ZNF689: variants seen among roughly 807,000 people sequenced by gnomAD.
ZNF689 encodes the protein zinc finger protein 689, also known as short ORF-encoded histone-binding protein.
In ZNF689, 14 loss-of-function variants were observed where a neutral mutation model predicts 37.2. That is an observed-to-expected ratio of 0.38 (90% confidence interval 0.25 to 0.59). ZNF689 has a LOEUF of 0.59. ZNF689 is among the 20% of genes least tolerant of loss of function. The pLI, the probability that ZNF689 is intolerant of heterozygous loss-of-function variation, is 0.68. For synonymous variants in ZNF689, 277 were observed against 283.3 expected (o/e 0.98, Z 0.22); for missense variants, 573 against 700.2 (o/e 0.82, Z 2.05).
At position 30,605,337 on chromosome 16, in the gene ZNF689, G is replaced by T; in HGVS notation, c.430C>A (p.Gln144Lys). The change falls in exon 3 of 3, where the codon CAG becomes AAG. Residue 144 changes from glutamine (Q) to lysine (K), a missense_variant. Physicochemically the swap from Gln to Lys is moderately conservative, Grantham distance 53 (BLOSUM62 1). This residue lies in a region of ZNF689 where 252 missense variants were observed against 313.3 expected (regional missense o/e 0.80). Transcript: ENST00000287461. This position sits in a 1 kb window ranked among gnomAD's most constrained non-coding sequence, Gnocchi z 5.1. ...RPSKPRLIPR[Q>K]TSGGPICPDC... is the part of the protein sequence containing the mutation. ...GGGCAGATGGGGCCCCCGGACGTCT[G>T]CCTAGGAATCAGTCGGGGTTTGCTG... is the stretch of plus-strand genomic sequence containing the variant. 2 of 1,613,534 alleles carry T rather than the reference G, an allele frequency of 1.2e-6. No individual in the cohort carries two copies. Among genetic ancestry groups the T allele is most frequent in the Non-Finnish European group, 1.7e-6 (2 of 1,179,694 alleles).
rs971570961 is a variant in ZNF689 at position 30,609,547 on chromosome 16, C to A, written c.297G>T (p.Pro99=). The A allele has an allele frequency of 1.9e-6, 3 of 1,613,994 alleles. No individual in the cohort carries two copies. The African/African-American group carries it at 4.0e-5, about 22-fold the overall frequency. ...CACTTCTCTGGACTGTTAGCCCTCTCGGGTACTCCTGCGGATCTAGAGCAG... is the reference window on the plus strand; with the variant it reads ...CACTTCTCTGGACTGTTAGCCCTCTAGGGTACTCCTGCGGATCTAGAGCAG... ...EPAALDPQEY[P]RGLTVQRKSR... The change falls in exon 2 of 3, where the codon CCG becomes CCT. Residue 99 remains proline, a synonymous_variant. Transcript: ENST00000287461.
At chr16:30,607,875 T>G (rs1377705393) in intron 2 of ZNF689, among the ~76,000 whole-genome samples, 1 of 152,178 alleles carries the variant, frequency 6.6e-6, no homozygotes, top group East Asian at 1.9e-4. Context: ...GACAGGAGAA[T>G]TGCTTGAAAC....
chr16:30,605,494 T>A lies in ZNF689; in HGVS notation c.320-47A>T. 1.3e-6 allele frequency: 2 copies of A among 1,568,514 alleles called. No homozygotes were observed. The highest frequency in any genetic ancestry group is 1.7e-6 in the Non-Finnish European group (2 of 1,154,972). On this transcript the variant is annotated intron_variant, in intron 2 of 2. Coordinates refer to ENST00000287461, the MANE Select transcript of ZNF689 (RefSeq NM_138447.3). This position sits in a 1 kb window ranked among gnomAD's most constrained non-coding sequence, Gnocchi z 5.1. ...AATTTAACAAATACTGGGCTCCTGC[T>A]CTTGTCAATTACATTATAGGTTACA...
intron 1 of ZNF689, 89 bp downstream of exon 1, chr16:30,609,748 G>A (rs2052076090): frequency 5.1e-6 from 8 of 1,573,344 alleles, no homozygotes; most frequent in Non-Finnish European, 6.9e-6. Context: ...CAACCTGGTC[G>A]CCTGCCAGGA....
chr16:30,607,550 T>C (rs1051825804), intron 2 of ZNF689, among the ~76,000 whole-genome samples: 3 of 150,996 alleles, frequency 2.0e-5, no homozygotes, highest in African/African-American at 7.3e-5. Flanking sequence ...AAGATTGCAC[T>C]ACTACACTCC....
At position 30,609,923 on chromosome 16, in the gene ZNF689, G is replaced by A. The variant is rs751066472; in HGVS notation, c.119C>T (p.Pro40Leu). ...GGGCCGCAGGCAGCCCCACTCCTCCGGGGAGAAGTACACGGCCACGTCCAC... is the reference window on the plus strand; with the variant it reads ...GGGCCGCAGGCAGCCCCACTCCTCCAGGGAGAAGTACACGGCCACGTCCAC... ...KFVDVAVYFS[P>L]EEWGCLRPAQ... The change falls in exon 1 of 3, where the codon CCG becomes CTG. Residue 40 changes from proline to leucine, a missense_variant. By Grantham distance (98) the Pro-to-Leu change is moderately conservative. Around this residue, in one of 3 missense-constraint regions of ZNF689, gnomAD observed 252 missense variants for 313.3 expected, o/e 0.80. Coordinates refer to ENST00000287461, the MANE Select transcript of ZNF689 (RefSeq NM_138447.3). The A allele has an allele frequency of 7.4e-6, 12 of 1,612,590 alleles. No homozygotes were observed. The highest frequency in any genetic ancestry group is 1.3e-5 in the African/African-American group (1 of 75,018).
At position 30,605,896 on chromosome 16, in the gene ZNF689, G is replaced by C. The variant is rs1567528108; in HGVS notation, c.320-449C>G. On this transcript the variant is annotated intron_variant, in intron 2 of 2. Coordinates refer to ENST00000287461, the MANE Select transcript of ZNF689 (RefSeq NM_138447.3). This position sits in a 1 kb window ranked among gnomAD's most constrained non-coding sequence, Gnocchi z 5.1. ...TCGCCCGGGAGGCAGAGGTTGCAGT[G>C]AGCCGAGATTGTGCCACTGCACTCC... is the stretch of plus-strand genomic sequence containing the variant. Among the ~76,000 whole-genome samples the C allele has an allele frequency of 6.6e-6, 1 of 150,432 alleles. No homozygotes were observed. The highest frequency in any genetic ancestry group is 1.5e-5 in the Non-Finnish European group (1 of 67,818).
In ZNF689 at chr16:30,610,266, G is replaced by A. The variant is rs989426718; in HGVS notation, c.-225C>T. Reference sequence around the variant, plus strand: ...TGAAAGGCACCGGAAGATGCCTTCGGGGAAAATGGCGGCGCTGCTACCGCA... The same window carrying A: ...TGAAAGGCACCGGAAGATGCCTTCGAGGAAAATGGCGGCGCTGCTACCGCA... On this transcript the variant is annotated 5_prime_UTR_variant, in exon 1 of 3. Coordinates refer to ENST00000287461, the MANE Select transcript of ZNF689 (RefSeq NM_138447.3). 8.7e-6 allele frequency: 5 copies of A among 576,656 alleles called. No individual in the cohort carries two copies. Among genetic ancestry groups the A allele is most frequent in the Non-Finnish European group, 1.5e-5 (5 of 332,304 alleles). 35.7% of individuals were successfully genotyped at this position (576,656 alleles called of 1,614,324 possible).
Position 30,604,487 on chromosome 16 carries a change from C to CG in ZNF689, c.1279dup (p.Arg427ProfsTer52). Reference sequence around the variant, plus strand: ...GGAGCAAAGGTCGCAGGCATAGGGCCGCTCGCCCGAGTGCACGCGCCGGTG... The same window carrying CG: ...GGAGCAAAGGTCGCAGGCATAGGGCCGGCTCGCCCGAGTGCACGCGCCGGTG... On this transcript the variant is annotated frameshift_variant, in exon 3 of 3. Coordinates refer to ENST00000287461, the MANE Select transcript of ZNF689 (RefSeq NM_138447.3). LOFTEE classifies it high-confidence loss of function. This position sits in a 1 kb window ranked among gnomAD's most constrained non-coding sequence, Gnocchi z 5.2. 1 of 1,603,514 alleles carries CG rather than the reference C, an allele frequency of 6.2e-7. No homozygotes were observed. Among genetic ancestry groups the CG allele is most frequent in the Non-Finnish European group, 8.5e-7 (1 of 1,175,276 alleles).
Position 30,604,547 on chromosome 16 carries a change from C to T in ZNF689, c.1220G>A (p.Gly407Asp), listed in dbSNP as rs1172350915. The part of the protein sequence containing the change: ...EEKLHACDDC[G>D]RRFAYPSLLA... ...CAGTGAGGGGTAGGCAAAGCGGCGA[C>T]CACAGTCGTCGCAGGCGTGCAGCTT... Residue 407 changes from glycine (G) to aspartate (D), a missense_variant, in exon 3 of 3, where the codon GGT becomes GAT. By Grantham distance (94) the Gly-to-Asp change is moderately conservative (BLOSUM62 -1). This residue lies in a region of ZNF689 where 317 missense variants were observed against 367.1 expected (regional missense o/e 0.86). Coordinates refer to ENST00000287461, the MANE Select transcript of ZNF689 (RefSeq NM_138447.3). This position sits in a 1 kb window ranked among gnomAD's most constrained non-coding sequence, Gnocchi z 5.2. The T allele has an allele frequency of 6.3e-7, 1 of 1,589,856 alleles. No individual in the cohort carries two copies. The highest frequency in any genetic ancestry group is 1.1e-5 in the South Asian group (1 of 88,546).
At chr16:30,609,687 T>G in intron 1 of ZNF689, 49 bp from the exon 2 acceptor site, 1 of 1,608,392 alleles carries the variant, frequency 6.2e-7, no homozygotes. Context: ...TCACGCCGAG[T>G]AGTATCTCCC....
At position 30,603,014 on chromosome 16, in the gene ZNF689, CCT is replaced by C. The variant is rs764151956; in HGVS notation, c.*1248_*1249del. On this transcript the variant is annotated 3_prime_UTR_variant, in exon 3 of 3. Transcript: ENST00000287461. ...GACTCTTCCTCTCTGGATTCAGTTCCCTCTTTCTAGCCTCCTTGAATGGCCTC... is the reference window on the plus strand; with the variant it reads ...GACTCTTCCTCTCTGGATTCAGTTCCCTTTCTAGCCTCCTTGAATGGCCTC... 6.6e-6 allele frequency: 1 copy of C among 152,248 alleles called. No individual in the cohort carries two copies. Among genetic ancestry groups the C allele is most frequent in the Non-Finnish European group, 1.5e-5 (1 of 68,060 alleles). The allele number at this position is 152,248 out of a possible 1,614,324, so 9.4% of individuals were successfully genotyped here. A position where few individuals can be genotyped will look rare whatever the true frequency, so the allele number is the denominator to read the frequency against.
Position 30,604,148 on chromosome 16 carries a change from T to TA in ZNF689, c.*115_*116insT. On this transcript the variant is annotated 3_prime_UTR_variant, in exon 3 of 3. Transcript: ENST00000287461. The surrounding 1 kb of genome is among the most constrained non-coding windows in gnomAD (Gnocchi z 5.2). ...CATTGCAAGATACAAAGTTCAGCTC[T>TA]GTGCAGCAGGAGACCCGGGTTTAGT... is the stretch of plus-strand genomic sequence containing the variant. 3 of 1,119,378 alleles carry TA rather than the reference T, an allele frequency of 2.7e-6. No homozygotes were observed. Among genetic ancestry groups the TA allele is most frequent in the Non-Finnish European group, 2.7e-6 (2 of 751,872 alleles). 69.3% of individuals were successfully genotyped at this position (1,119,378 alleles called of 1,614,324 possible). A position where few individuals can be genotyped will look rare whatever the true frequency, so the allele number is the denominator to read the frequency against.
At position 30,604,559 on chromosome 16, in the gene ZNF689, C is replaced by T; in HGVS notation, c.1208G>A (p.Cys403Tyr). The change falls in exon 3 of 3, where the codon TGC (cysteine) becomes TAC (tyrosine). Residue 403 changes from cysteine to tyrosine, a missense_variant. Cys to Tyr is a radical substitution (Grantham distance 194). Transcript: ENST00000287461. This position sits in a 1 kb window ranked among gnomAD's most constrained non-coding sequence, Gnocchi z 5.2. ...GGCAAAGCGGCGACCACAGTCGTCG[C>T]AGGCGTGCAGCTTCTCCTCTGTGTG... The part of the protein sequence containing the change: ...STHTEEKLHA[C>Y]DDCGRRFAYP... The T allele has an allele frequency of 6.3e-7, 1 of 1,588,612 alleles. No individual in the cohort carries two copies. The highest frequency in any genetic ancestry group is 1.3e-5 in the African/African-American group (1 of 74,408).
chr16:30,606,919 A>G (rs1438309595), intron 2 of ZNF689, among the ~76,000 whole-genome samples: 1 of 152,156 alleles, frequency 6.6e-6, no homozygotes, highest in Non-Finnish European at 1.5e-5. Context: ...AGCTACACAG[A>G]ATTCCATTGT....
At chr16:30,609,681 G>A (rs1165301778) in intron 1 of ZNF689, 43 bp from the exon 2 acceptor site, 3 of 1,612,526 alleles carry the variant, frequency 1.9e-6, no homozygotes, top group Non-Finnish European at 2.5e-6. Context: ...CCTAGATCAC[G>A]CCGAGTAGTA....
At chr16:30,609,669 C>T in intron 1 of ZNF689, 31 bp from the exon 2 acceptor site, 2 of 1,613,604 alleles carry the variant, frequency 1.2e-6, no homozygotes, top group Non-Finnish European at 1.7e-6. Flanking sequence ...AGAAGGCCAG[C>T]TCCTAGATCA....
chr16:30,604,763 T>A lies in ZNF689; in HGVS notation c.1004A>T (p.His335Leu), dbSNP rs773250899. ...ACGCTCCCCAGAGTGCACACGCCGG[T>A]GACTGACCAGGCGAGAGGAGGAGGA... ...RFSSSSRLVS[H>L]RRVHSGERPY... Residue 335 changes from histidine (H) to leucine (L), a missense_variant, in exon 3 of 3, where the codon CAC (histidine) becomes CTC (leucine). Around this residue, in one of 3 missense-constraint regions of ZNF689, gnomAD observed 317 missense variants for 367.1 expected, o/e 0.86. Transcript: ENST00000287461. The surrounding 1 kb of genome is among the most constrained non-coding windows in gnomAD (Gnocchi z 5.2). 5.0e-6 allele frequency: 8 copies of A among 1,608,484 alleles called. No individual in the cohort carries two copies. The highest frequency in any genetic ancestry group is 8.5e-7 in the Non-Finnish European group (1 of 1,177,906).
rs758385353 is a variant in ZNF689 at position 30,604,555 on chromosome 16, G to C, written c.1212C>G (p.Asp404Glu). Residue 404 changes from aspartate (D) to glutamate (E), a missense_variant, in exon 3 of 3, where the codon GAC (aspartate) becomes GAG (glutamate). By Grantham distance (45) the Asp-to-Glu change is conservative. Transcript: ENST00000287461. The surrounding 1 kb of genome is among the most constrained non-coding windows in gnomAD (Gnocchi z 5.2). ...THTEEKLHACDDCGRRFAYPS... is the reference protein window; with the variant it reads ...THTEEKLHACEDCGRRFAYPS... ...GGTAGGCAAAGCGGCGACCACAGTC[G>C]TCGCAGGCGTGCAGCTTCTCCTCTG... 3.1e-6 allele frequency: 5 copies of C among 1,587,652 alleles called. No individual in the cohort carries two copies. The South Asian group carries it at 5.7e-5, about 18-fold the overall frequency.
Sources: allele counts gnomAD v4.1 joint callset (sites outside exome capture counted in the v4.1 genomes callset), GRCh38; gene constraint gnomAD v4.1.1; regional missense constraint gnomAD v4.1.1; non-coding constraint Gnocchi (gnomAD v3.1); transcripts MANE v1.5; gene names NCBI Gene and HGNC (gene_info 2026-07-23, HGNC 2026-07-21).